The following CREBBP variants were observed in gnomAD, a reference collection of about 807,000 sequenced individuals.
The protein encoded by CREBBP is CREB binding lysine acetyltransferase, also known as CREB-binding protein.
In CREBBP, 19 loss-of-function variants were observed where a neutral mutation model predicts 265.0. The observed-to-expected ratio is 0.07, with a 90% confidence interval of 0.05 to 0.11. The LOEUF (loss-of-function observed/expected upper bound fraction) is 0.11, where lower values mean the gene tolerates loss of function less well. Ranked by LOEUF, CREBBP falls within the 10% of genes least tolerant of loss-of-function variation. The pLI is 1.00. For synonymous variants in CREBBP, 1,457 were observed against 1,223.7 expected, an observed-to-expected ratio of 1.19 and a Z score of -3.98; for missense variants, 2,525 against 3,219.0, an observed-to-expected ratio of 0.78 and a Z score of 5.22.
At chr16:3,741,290 T>C (rs995064096) in intron 23 of CREBBP, 17 of 153,270 alleles carry the variant, frequency 1.1e-4, no homozygotes, top group African/African-American at 4.1e-4. Context: ...AAAAGGTTCT[T>C]AGTGATTACG....
chr16:3,735,930 G>A (rs1341669834), intron 28 of CREBBP, 106 bp downstream of exon 28: 1 of 1,586,956 alleles, frequency 6.3e-7, no homozygotes, highest in Non-Finnish European at 8.6e-7. Flanking sequence ...TGTGAACGGA[G>A]ACACCACCAC....
chr16:3,849,417 GTGTGTGTGTGTGT>G (rs2054741922), intron 2 of CREBBP, among the ~76,000 whole-genome samples: 12 of 7,112 alleles, frequency 1.7e-3, no homozygotes, highest in Admixed American at 2.5e-3. Flanking sequence ...GTGTGTGTGT[GTGTGTGTGTGTGT>G]GTGTGTGTGT....
At position 3,852,035 on chromosome 16, in the gene CREBBP, C is replaced by CAAAAAAAAAAA; in HGVS notation, c.86-1037_86-1027dup. 5.4e-4 allele frequency among the ~76,000 whole-genome samples: 6 copies of CAAAAAAAAAAA among 11,200 alleles called. 2 individuals are homozygous for CAAAAAAAAAAA. The highest frequency in any genetic ancestry group is 8.8e-4 in the Non-Finnish European group (5 of 5,672). The allele number at this position is 11,200 out of a possible 152,430, so 7.3% of individuals were successfully genotyped here. A position where few individuals can be genotyped will look rare whatever the true frequency, so the allele number is the denominator to read the frequency against. ...CCTGGGCAACAGCGAGACTCCATCTCAAAAAAAAAAAAAAAAAAAAAAAAA... is the reference window on the plus strand; with the variant it reads ...CCTGGGCAACAGCGAGACTCCATCTCAAAAAAAAAAAAAAAAAAAAAAAAAAAAAAAAAAAA... On this transcript the variant is annotated intron_variant, in intron 1 of 30. Transcript: ENST00000262367.
chr16:3,851,108 C>G (rs190104323), intron 1 of CREBBP, 99 bp from the exon 2 acceptor site: 3 of 961,394 alleles, frequency 3.1e-6, no homozygotes, highest in East Asian at 5.0e-5. Flanking sequence ...GCATTCAGCA[C>G]GAACACTAGC....
In CREBBP at chr16:3,726,168, A is replaced by T. The variant is rs1232745961; in HGVS notation, c.*1550T>A. 4.4e-6 allele frequency: 1 copy of T among 225,422 alleles called. No homozygotes were observed. The highest frequency in any genetic ancestry group is 6.0e-5 in the Admixed American group (1 of 16,774). 14.0% of individuals were successfully genotyped at this position (225,422 alleles called of 1,614,324 possible). A position where few individuals can be genotyped will look rare whatever the true frequency, so the allele number is the denominator to read the frequency against. ...GGACATGCTGCGCGGCAGCGGCAGG[A>T]TTTGGGGGGAAGTCAGAAAGCACCT... On this transcript the variant is annotated 3_prime_UTR_variant, in exon 31 of 31. Transcript: ENST00000262367.
At chr16:3,768,673 AG>A (rs2052924127) in intron 15 of CREBBP, among the ~76,000 whole-genome samples, 1 of 152,240 alleles carries the variant, frequency 6.6e-6, no homozygotes, top group Non-Finnish European at 1.5e-5. Context: ...GCTGTCACAC[AG>A]GGATGCAGGC....
Position 3,789,731 on chromosome 16 carries a change from T to C in CREBBP, c.1330+2250A>G, listed in dbSNP as rs117048467. On this transcript the variant is annotated intron_variant, in intron 5 of 30. Coordinates refer to ENST00000262367, the MANE Select transcript of CREBBP (RefSeq NM_004380.3). ...TTGTAAAAAAAAACTACCAAAACCT[T>C]GCAGCAAGTTAATCTAAATCTTCCT... Among the ~76,000 whole-genome samples the C allele has an allele frequency of 1.8e-3, 277 of 152,146 alleles. 1 individual carries two copies. The highest frequency in any genetic ancestry group is 3.4e-3 in the Middle Eastern group (1 of 294).
At chr16:3,801,091 A>T (rs780083132) in intron 3 of CREBBP, among the ~76,000 whole-genome samples, 6 of 152,142 alleles carry the variant, frequency 3.9e-5, no homozygotes, top group Non-Finnish European at 5.9e-5. Context: ...CTAGCCACAC[A>T]CGACAGGTGA....
At chr16:3,760,408 T>G (rs1383388190) in intron 16 of CREBBP, among the ~76,000 whole-genome samples, 5 of 134,416 alleles carry the variant, frequency 3.7e-5, no homozygotes, top group African/African-American at 1.4e-4. Flanking sequence ...TTTTTTTTTT[T>G]TTTTTTTTTT....
Position 3,731,590 on chromosome 16 carries a change from CCT to C in CREBBP, c.4891-119_4891-118del. ...TAGGCAGGTGGCTGAGCCTGATGGC[CCT>C]GATGCCTTGGGATGGAACAAAATTG... On this transcript the variant is annotated intron_variant, in intron 29 of 30. Coordinates refer to ENST00000262367, the MANE Select transcript of CREBBP (RefSeq NM_004380.3). The surrounding 1 kb of genome is among the most constrained non-coding windows in gnomAD (Gnocchi z 7.7). 7.0e-7 allele frequency: 1 copy of C among 1,431,996 alleles called. No individual in the cohort carries two copies. Among genetic ancestry groups the C allele is most frequent in the Non-Finnish European group, 9.6e-7 (1 of 1,039,570 alleles). 88.7% of individuals were successfully genotyped at this position (1,431,996 alleles called of 1,614,324 possible).
intron 21 of CREBBP, 143 bp from the exon 22 acceptor site, chr16:3,745,497 A>G: frequency 1.4e-6 from 1 of 739,660 alleles, no homozygotes; most frequent in Non-Finnish European, 2.4e-6. Context: ...TGGCTGATTC[A>G]GCTATATTTT....
At position 3,729,065 on chromosome 16, in the gene CREBBP, C is replaced by T. The variant is rs746559750; in HGVS notation, c.5982G>A (p.Gln1994=). 1.9e-6 allele frequency: 3 copies of T among 1,584,458 alleles called. No homozygotes were observed. The highest frequency in any genetic ancestry group is 1.7e-5 in the Admixed American group (1 of 57,302). ...GRTGMGTPGS[Q]MAPVSLNVPR... is the part of the protein sequence containing the mutation. ...GCACATTCAGGCTCACGGGGGCCAT[C>T]TGGCTCCCCGGGGTCCCCATGCCCG... Residue 1994 remains glutamine, a synonymous_variant, in exon 31 of 31, where the codon CAG becomes CAA. Coordinates refer to ENST00000262367, the MANE Select transcript of CREBBP (RefSeq NM_004380.3).
intron 4 of CREBBP, among the ~76,000 whole-genome samples, chr16:3,792,749 T>A (rs1386165979): frequency 6.6e-6 from 1 of 152,182 alleles, no homozygotes; most frequent in Non-Finnish European, 1.5e-5. Context: ...GAATAAAGAT[T>A]AAAGGAAAGT....
At chr16:3,763,599 G>C (rs909044350) in intron 16 of CREBBP, among the ~76,000 whole-genome samples, 6 of 151,894 alleles carry the variant, frequency 4.0e-5, no homozygotes, top group African/African-American at 1.5e-4. Flanking sequence ...GAGTAGTTGG[G>C]ATTACAGGCA....
At chr16:3,826,312 T>C (rs2054235886) in intron 2 of CREBBP, among the ~76,000 whole-genome samples, 1 of 151,906 alleles carries the variant, frequency 6.6e-6, no homozygotes, top group Admixed American at 6.6e-5. Context: ...AAGAGACAGA[T>C]CTCCCACACT....
At chr16:3,859,794 C>A (rs1034357381) in intron 1 of CREBBP, among the ~76,000 whole-genome samples, 1 of 152,162 alleles carries the variant, frequency 6.6e-6, no homozygotes, top group Non-Finnish European at 1.5e-5. Flanking sequence ...CACACCTGGA[C>A]GGGGCAAAAA....
chr16:3,877,025 G>A (rs1044714597), intron 1 of CREBBP, among the ~76,000 whole-genome samples: 5 of 152,188 alleles, frequency 3.3e-5, no homozygotes, highest in African/African-American at 1.2e-4. Context: ...TGGCCCCACA[G>A]GCCAGTCTCT....
chr16:3,795,563 T>C (rs970664355), intron 3 of CREBBP, among the ~76,000 whole-genome samples: 1 of 152,246 alleles, frequency 6.6e-6, no homozygotes, highest in Admixed American at 6.5e-5. Flanking sequence ...TTTAACTTTA[T>C]ACTCATTTAA....
Position 3,822,102 on chromosome 16 carries a change from A to G in CREBBP, c.799-11323T>C, listed in dbSNP as rs555092342. On this transcript the variant is annotated intron_variant, in intron 2 of 30. Coordinates refer to ENST00000262367, the MANE Select transcript of CREBBP (RefSeq NM_004380.3). ...CTTTGTAAAGACGAAATTAATTTAC[A>G]CTGCAATCCAACTATGGCCCAGCGG... Among the ~76,000 whole-genome samples the G allele has an allele frequency of 9.2e-5, 14 of 152,286 alleles. No individual in the cohort carries two copies. The East Asian group carries it at 1.5e-3, about 17-fold the overall frequency.
Sources: allele counts gnomAD v4.1 joint callset (sites outside exome capture counted in the v4.1 genomes callset), GRCh38; gene constraint gnomAD v4.1.1; non-coding constraint Gnocchi (gnomAD v3.1); transcripts MANE v1.5; gene names NCBI Gene and HGNC (gene_info 2026-07-23, HGNC 2026-07-21).